CAPN5: variants seen among roughly 807,000 people sequenced by gnomAD.
CAPN5 encodes calpain 5, also known as calpain-5.
CAPN5 carries 54 observed loss-of-function variants against 73.0 expected under a neutral mutation model. That is an observed-to-expected ratio of 0.74 (90% CI 0.59 to 0.93). The LOEUF (loss-of-function observed/expected upper bound fraction) is 0.93, where lower values mean the gene tolerates loss of function less well. CAPN5 is among the 40% of genes least tolerant of loss of function. The probability of loss-of-function intolerance (pLI) is 0.00; values close to 1 mark genes in which losing one functional copy is unlikely to be tolerated. For synonymous variants in CAPN5, 335 were observed against 356.9 expected, an observed-to-expected ratio of 0.94 and a Z score of 0.69; for missense variants, 785 against 882.9, an observed-to-expected ratio of 0.89 and a Z score of 1.41.
At chr11:77,075,608 C>A (rs1216831025) in intron 1 of CAPN5, among the ~76,000 whole-genome samples, 1 of 152,242 alleles carries the variant, frequency 6.6e-6, no homozygotes, top group Non-Finnish European at 1.5e-5. Context: ...CTGTGAAGGG[C>A]CCGGATCTGC....
chr11:77,112,650 T>TCTTCCA lies in CAPN5; in HGVS notation c.370_375dup (p.His124_Phe125dup). ...GAAAAGCCCAACGCCTACGCGGGCA[T>TCTTCCA]CTTCCACTTCCACTTCTGGCGCTTC... On this transcript the variant is annotated inframe_insertion, in exon 4 of 13. Transcript: ENST00000648180. The TCTTCCA allele has an allele frequency of 6.2e-7, 1 of 1,614,084 alleles. No individual in the cohort carries two copies. Among genetic ancestry groups the TCTTCCA allele is most frequent in the Non-Finnish European group, 8.5e-7 (1 of 1,180,008 alleles).
chr11:77,098,296 TCCCGGACGGGGCAG>T (rs1950237115), intron 3 of CAPN5, among the ~76,000 whole-genome samples: 2 of 98,742 alleles, frequency 2.0e-5, no homozygotes, highest in African/African-American at 8.4e-5. Flanking sequence ...CCCACCTCCC[TCCCGGACGGGGCAG>T]CTGGCCGGGC....
Position 77,121,930 on chromosome 11 carries a change from T to A in CAPN5, c.1488-4T>A. 1 of 1,530,244 alleles carries A rather than the reference T, an allele frequency of 6.5e-7. No homozygotes were observed. The highest frequency in any genetic ancestry group is 8.8e-7 in the Non-Finnish European group (1 of 1,134,778). The allele number at this position is 1,530,244 out of a possible 1,614,324, so 94.8% of individuals were successfully genotyped here. Reference sequence around the variant, plus strand: ...CTCCCCTCTCCCCTGCCGCCCCATATCAGGGAGCTGCGCCTGGATGAGCCC... The same window carrying A: ...CTCCCCTCTCCCCTGCCGCCCCATAACAGGGAGCTGCGCCTGGATGAGCCC... On this transcript the variant is annotated splice_polypyrimidine_tract_variant and splice_region_variant and intron_variant, in intron 10 of 12. Coordinates refer to ENST00000648180, the MANE Select transcript of CAPN5 (RefSeq NM_004055.5).
intron 3 of CAPN5, among the ~76,000 whole-genome samples, chr11:77,096,019 C>T (rs1473453325): frequency 2.0e-5 from 3 of 152,166 alleles, no homozygotes; most frequent in African/African-American, 7.2e-5. Context: ...GGCTCGGGGC[C>T]CTGCGGAGCT....
chr11:77,122,751 A>G (rs1379869852), intron 12 of CAPN5, 39 bp downstream of exon 12: 3 of 1,608,664 alleles, frequency 1.9e-6, no homozygotes, highest in Non-Finnish European at 2.5e-6. Flanking sequence ...CTGGGCTCCT[A>G]GCCTGAGGCT....
At position 77,067,001 on chromosome 11, in the gene CAPN5, AGGCTGCTGCGCCGGGC is replaced by A. The variant is rs1432125804; in HGVS notation, c.-122_-107del. 6.6e-6 allele frequency: 1 copy of A among 151,962 alleles called. No individual in the cohort carries two copies. The highest frequency in any genetic ancestry group is 1.5e-5 in the Non-Finnish European group (1 of 67,972). The allele number at this position is 151,962 out of a possible 1,614,324, so 9.4% of individuals were successfully genotyped here. Reference sequence around the variant, plus strand: ...CAGCTGGATCTCCGGCCAGAGCCCGAGGCTGCTGCGCCGGGCGGCTGCAGCCTCCGCTCCAGCGCCC... The same window carrying A: ...CAGCTGGATCTCCGGCCAGAGCCCGAGGCTGCAGCCTCCGCTCCAGCGCCC... On this transcript the variant is annotated 5_prime_UTR_variant, in exon 1 of 13. Coordinates refer to ENST00000648180, the MANE Select transcript of CAPN5 (RefSeq NM_004055.5).
At chr11:77,098,227 G>A (rs1950235390) in intron 3 of CAPN5, among the ~76,000 whole-genome samples, 1 of 82,036 alleles carries the variant, frequency 1.2e-5, no homozygotes, top group East Asian at 4.6e-4. Context: ...GGGCAGGGGG[G>A]CTGACCCCCC....
chr11:77,093,570 T>C (rs1950174389), intron 2 of CAPN5, 112 bp from the exon 3 acceptor site: 3 of 1,431,576 alleles, frequency 2.1e-6, no homozygotes, highest in Non-Finnish European at 2.8e-6. Flanking sequence ...ACCATGCTGA[T>C]GATCACACAG....
chr11:77,108,855 G>A lies in CAPN5; in HGVS notation c.298-3734G>A, dbSNP rs547223837. 1.4e-3 allele frequency among the ~76,000 whole-genome samples: 206 copies of A among 152,142 alleles called. 1 individual carries two copies. Among genetic ancestry groups the A allele is most frequent in the Non-Finnish European group, 2.6e-3 (174 of 68,002 alleles). On this transcript the variant is annotated intron_variant, in intron 3 of 12. Coordinates refer to ENST00000648180, the MANE Select transcript of CAPN5 (RefSeq NM_004055.5). The stretch of plus-strand genomic sequence containing the variant: ...TATGCATAGGTTTTACGGTTTGTTT[G>A]AATGAGATCCAAACAGAAGTCCATA...
At chr11:77,123,558 C>A in intron 12 of CAPN5, 130 bp from the exon 13 acceptor site, 1 of 766,176 alleles carries the variant, frequency 1.3e-6, no homozygotes, top group Non-Finnish European at 2.2e-6. Flanking sequence ...AGGCAGACAG[C>A]CCAGGGCCCC....
At chr11:77,099,589 C>T (rs1216839301) in intron 3 of CAPN5, among the ~76,000 whole-genome samples, 2 of 151,660 alleles carry the variant, frequency 1.3e-5, no homozygotes, top group Admixed American at 6.6e-5. Context: ...CGTGGTGGCG[C>T]GTGCCTGCAA....
intron 3 of CAPN5, among the ~76,000 whole-genome samples, chr11:77,099,570 C>A (rs1189047632): frequency 6.6e-6 from 1 of 151,990 alleles, no homozygotes; most frequent in African/African-American, 2.4e-5. Flanking sequence ...TCCACCAAAA[C>A]CAGTCAGGCG....
At position 77,093,667 on chromosome 11, in the gene CAPN5, T is replaced by C. The variant is rs1555036964; in HGVS notation, c.166-15T>C. The C allele has an allele frequency of 6.4e-7, 1 of 1,567,190 alleles. No homozygotes were observed. Among genetic ancestry groups the C allele is most frequent in the South Asian group, 1.2e-5 (1 of 86,424 alleles). On this transcript the variant is annotated splice_polypyrimidine_tract_variant and intron_variant, in intron 2 of 12. Transcript: ENST00000648180. ...CTCCTCCGCCCCTCACGCTCTCTCC[T>C]CGCCTTCTCCGCAGGGCATCTGCGA...
chr11:77,084,724 C>A (rs2135422535), intron 1 of CAPN5, 128 bp from the exon 2 acceptor site: 1 of 759,510 alleles, frequency 1.3e-6, no homozygotes, highest in Non-Finnish European at 2.2e-6. Flanking sequence ...GCTGTGTGAC[C>A]TTGGGTAGGC....
chr11:77,102,871 TGGACATGCCGCTG>T, intron 3 of CAPN5: 12 of 1,608,636 alleles, frequency 7.5e-6, no homozygotes, highest in Non-Finnish European at 1.0e-5. Context: ...CAGCCGCAGC[TGGACATGCCGCTG>T]GTCCTGGACC....
In CAPN5 at chr11:77,084,910, T is replaced by C. The variant is rs782665450; in HGVS notation, c.24T>C (p.Tyr8=). Residue 8 remains tyrosine, a synonymous_variant, in exon 2 of 13, where the codon TAT becomes TAC. Transcript: ENST00000648180. MFSCVKP[Y]EDQNYSALRR... Reference sequence around the variant, plus strand: ...CCATGTTCTCGTGTGTGAAGCCCTATGAGGACCAGAACTACTCAGCCCTGA... The same window carrying C: ...CCATGTTCTCGTGTGTGAAGCCCTACGAGGACCAGAACTACTCAGCCCTGA... 1 of 1,614,062 alleles carries C rather than the reference T, an allele frequency of 6.2e-7. No individual in the cohort carries two copies. The highest frequency in any genetic ancestry group is 1.1e-5 in the South Asian group (1 of 91,080).
chr11:77,077,590 C>T (rs568817120), intron 1 of CAPN5, among the ~76,000 whole-genome samples: 7 of 151,118 alleles, frequency 4.6e-5, no homozygotes, highest in African/African-American at 9.7e-5. Context: ...AGTGCGGTGG[C>T]GCGATCTCGG....
In CAPN5 at chr11:77,121,329, A is replaced by G. The variant is rs146639444; in HGVS notation, c.1487+420A>G. Among the ~76,000 whole-genome samples, 113 of 152,342 alleles carry G rather than the reference A, an allele frequency of 7.4e-4. 1 individual carries two copies. The highest frequency in any genetic ancestry group is 2.5e-3 in the African/African-American group (105 of 41,584). On this transcript the variant is annotated intron_variant, in intron 10 of 12. Coordinates refer to ENST00000648180, the MANE Select transcript of CAPN5 (RefSeq NM_004055.5). ...TCTTGTCACCACAATTTCCTGTCCC[A>G]TGGGGGTGGCTCTGGGCTCCAGTGG...
At chr11:77,102,806 G>A in intron 3 of CAPN5, 1 of 1,521,332 alleles carries the variant, frequency 6.6e-7, no homozygotes, top group Non-Finnish European at 8.8e-7. Flanking sequence ...AGCCCACTTG[G>A]GTCCTTGGCG....
Sources: gnomAD v4.1 joint callset for allele counts (sites outside exome capture counted in the v4.1 genomes callset) on GRCh38, gnomAD v4.1.1 for gene constraint, MANE v1.5 for transcripts, NCBI Gene and HGNC (gene_info 2026-07-23, HGNC 2026-07-21) for gene names.